Variants in SCAMP1 observed in about 807,000 individuals in gnomAD.
The protein encoded by SCAMP1 is secretory carrier-associated membrane protein 1.
Under a neutral mutation model 41.8 loss-of-function variants are expected in SCAMP1, and 15 were observed. The observed-to-expected ratio is 0.36, with a 90% CI of 0.24 to 0.55. The LOEUF (loss-of-function observed/expected upper bound fraction) is 0.55. Among genes scored for constraint, SCAMP1 ranks in the 20% least tolerant of loss-of-function variants. The probability of loss-of-function intolerance (pLI) is 0.86; values close to 1 mark genes in which losing one functional copy is unlikely to be tolerated. For synonymous variants in SCAMP1, 135 were observed against 136.8 expected (o/e 0.99, Z 0.09); for missense variants, 341 against 412.6 (o/e 0.83, Z 1.50).
chr5:78,443,179 C>T (rs538191490), intron 6 of SCAMP1, among the ~76,000 whole-genome samples: 6 of 134,528 alleles, frequency 4.5e-5, no homozygotes, highest in Non-Finnish European at 6.2e-5. Context: ...TACCACTGCA[C>T]TCCAGCCTGG....
At chr5:78,365,259 G>A (rs1279596048) in intron 1 of SCAMP1, among the ~76,000 whole-genome samples, 1 of 151,912 alleles carries the variant, frequency 6.6e-6, no homozygotes, top group East Asian at 1.9e-4. Context: ...CGAATCACGA[G>A]GTCAGGAGTT....
At chr5:78,439,235 G>A (rs1752852092) in intron 6 of SCAMP1, among the ~76,000 whole-genome samples, 1 of 151,578 alleles carries the variant, frequency 6.6e-6, no homozygotes, top group South Asian at 2.1e-4. Flanking sequence ...ATATTGTTAT[G>A]TGTGAATTTG....
chr5:78,411,151 A>G (rs1475528878), intron 2 of SCAMP1, among the ~76,000 whole-genome samples: 3 of 152,024 alleles, frequency 2.0e-5, no homozygotes, highest in Non-Finnish European at 4.4e-5. Flanking sequence ...ATTAGATCTC[A>G]TTTGTCAATT....
intron 1 of SCAMP1, 45 bp downstream of exon 1, chr5:78,360,773 G>T (rs1399110834): frequency 1.9e-6 from 3 of 1,565,030 alleles, no homozygotes; most frequent in South Asian, 2.3e-5. Flanking sequence ...ACGCGTCGTT[G>T]TTTGTGAAAA....
chr5:78,422,886 G>C (rs1287625541), intron 6 of SCAMP1, among the ~76,000 whole-genome samples: 1 of 152,122 alleles, frequency 6.6e-6, no homozygotes, highest in Non-Finnish European at 1.5e-5. Flanking sequence ...AACATTACTA[G>C]GATATATGCG....
chr5:78,394,145 G>A lies in SCAMP1; in HGVS notation c.135+5231G>A, dbSNP rs181197354. Among the ~76,000 whole-genome samples, 137 of 152,260 alleles carry A rather than the reference G, an allele frequency of 9.0e-4. 1 individual carries two copies. Among genetic ancestry groups the A allele is most frequent in the African/African-American group, 3.0e-3 (126 of 41,550 alleles). On this transcript the variant is annotated intron_variant, in intron 2 of 8. Transcript: ENST00000621999. Reference sequence around the variant, plus strand: ...TTCCAGGTACTGACAGTGTGAGGGGGTATGCCCAGATGGTCATCTCTGACC... The same window carrying A: ...TTCCAGGTACTGACAGTGTGAGGGGATATGCCCAGATGGTCATCTCTGACC...
intron 6 of SCAMP1, among the ~76,000 whole-genome samples, chr5:78,426,060 CTG>C (rs1752462602): frequency 6.6e-6 from 1 of 151,976 alleles, no homozygotes; most frequent in Admixed American, 6.6e-5. Context: ...TTTTCTGTTC[CTG>C]TGTTAGTCTG....
At chr5:78,412,233 G>T (rs1264004934) in intron 2 of SCAMP1, among the ~76,000 whole-genome samples, 3 of 151,682 alleles carry the variant, frequency 2.0e-5, no homozygotes, top group Non-Finnish European at 4.4e-5. Context: ...ATTTTTATGT[G>T]GTCAAATATA....
At position 78,459,119 on chromosome 5, in the gene SCAMP1, C is replaced by A. The variant is rs553139633; in HGVS notation, c.735-126C>A. ...TTGGGTGGGTTGTGAGAATTAAATG[C>A]ACTAATACACATAAAGAACTTGAAT... On this transcript the variant is annotated intron_variant, in intron 7 of 8. Transcript: ENST00000621999. 6.4e-5 allele frequency: 42 copies of A among 652,136 alleles called. No homozygotes were observed. The African/African-American group carries it at 7.2e-4, about 11-fold the overall frequency. The allele number at this position is 652,136 out of a possible 1,614,324, so 40.4% of individuals were successfully genotyped here.
intron 6 of SCAMP1, among the ~76,000 whole-genome samples, chr5:78,448,446 ACAACT>A (rs1753125719): frequency 6.6e-6 from 1 of 152,092 alleles, no homozygotes; most frequent in South Asian, 2.1e-4. Context: ...AAAAACTCTC[ACAACT>A]CAACGATAAA....
intron 1 of SCAMP1, among the ~76,000 whole-genome samples, chr5:78,382,111 A>G (rs772639280): frequency 6.6e-6 from 1 of 152,180 alleles, no homozygotes; most frequent in Non-Finnish European, 1.5e-5. Context: ...TTAGAAATAC[A>G]GGTTTTCAGA....
At chr5:78,468,434 G>T (rs537668983) in intron 8 of SCAMP1, among the ~76,000 whole-genome samples, 3 of 152,140 alleles carry the variant, frequency 2.0e-5, no homozygotes, top group Non-Finnish European at 2.9e-5. Context: ...AACAGTAAAT[G>T]AATGCATCAC....
Position 78,382,872 on chromosome 5 carries a change from A to G in SCAMP1, c.58-5965A>G, listed in dbSNP as rs533481817. Among the ~76,000 whole-genome samples the G allele has an allele frequency of 2.6e-5, 4 of 151,598 alleles. No individual in the cohort carries two copies. In the East Asian group the frequency reaches 5.8e-4, roughly 22 times the overall value. ...ATTGATATGAATTTAGGCTGGTTCCATATTTTTGCAATTGCAAATTGTGCT... is the reference window on the plus strand; with the variant it reads ...ATTGATATGAATTTAGGCTGGTTCCGTATTTTTGCAATTGCAAATTGTGCT... On this transcript the variant is annotated intron_variant, in intron 1 of 8. Transcript: ENST00000621999.
At chr5:78,372,271 G>A (rs910485512) in intron 1 of SCAMP1, among the ~76,000 whole-genome samples, 34 of 152,318 alleles carry the variant, frequency 2.2e-4, no homozygotes, top group African/African-American at 8.2e-4. Flanking sequence ...TGGGAAAAGA[G>A]CATCAGGAGT....
At chr5:78,441,176 C>T (rs1002637767) in intron 6 of SCAMP1, among the ~76,000 whole-genome samples, 2 of 152,208 alleles carry the variant, frequency 1.3e-5, no homozygotes, top group East Asian at 1.9e-4. Context: ...TGACACCCTG[C>T]CCTGCTTCGG....
rs79261991 is a variant in SCAMP1, at chr5:78,477,278, G to C, written c.*1610G>C. Reference sequence around the variant, plus strand: ...ATGGTGTTTACATTTGATTTATTTGGGATCTTATTGACATCAGGTATACTT... The same window carrying C: ...ATGGTGTTTACATTTGATTTATTTGCGATCTTATTGACATCAGGTATACTT... On this transcript the variant is annotated 3_prime_UTR_variant, in exon 9 of 9. Transcript: ENST00000621999. The C allele has an allele frequency of 6.6e-6, 1 of 151,952 alleles. No individual in the cohort carries two copies. The highest frequency in any genetic ancestry group is 2.4e-5 in the African/African-American group (1 of 41,400). 9.4% of individuals were successfully genotyped at this position (151,952 alleles called of 1,614,324 possible).
intron 2 of SCAMP1, among the ~76,000 whole-genome samples, chr5:78,391,683 C>T (rs1006930610): frequency 6.6e-6 from 1 of 152,140 alleles, no homozygotes; most frequent in Non-Finnish European, 1.5e-5. Flanking sequence ...TGTAGCGAGC[C>T]GAGATCACGC....
At chr5:78,367,728 G>A (rs769177225) in intron 1 of SCAMP1, among the ~76,000 whole-genome samples, 27 of 152,170 alleles carry the variant, frequency 1.8e-4, no homozygotes, top group Non-Finnish European at 3.7e-4. Flanking sequence ...CGAGGTAGTC[G>A]TAGGATAACT....
intron 8 of SCAMP1, among the ~76,000 whole-genome samples, chr5:78,472,308 A>G (rs755072303): frequency 3.3e-5 from 5 of 152,066 alleles, no homozygotes; most frequent in African/African-American, 4.8e-5. Flanking sequence ...TGTTATGGGT[A>G]TACATGTGCC....
Sources: allele counts gnomAD v4.1 joint callset (sites outside exome capture counted in the v4.1 genomes callset), GRCh38; gene constraint gnomAD v4.1.1; transcripts MANE v1.5; gene names NCBI Gene and HGNC (gene_info 2026-07-23, HGNC 2026-07-21).